The following CCDC141 variants were observed in gnomAD, a reference collection of about 807,000 sequenced individuals.
The protein encoded by CCDC141 is coiled-coil domain containing 141.
CCDC141 carries 168 observed loss-of-function variants against 181.0 expected under a neutral mutation model. The observed-to-expected ratio is 0.93, with a 90% confidence interval of 0.82 to 1.05. The LOEUF (loss-of-function observed/expected upper bound fraction) is 1.05, where lower values mean the gene tolerates loss of function less well. Ranked by LOEUF, CCDC141 falls within the 50% of genes least tolerant of loss-of-function variation. The pLI, the probability that CCDC141 is intolerant of heterozygous loss-of-function variation, is 0.00. For synonymous variants in CCDC141, 666 were observed against 642.3 expected, an observed-to-expected ratio of 1.04 and a Z score of -0.56; for missense variants, 1,902 against 1,788.5, an observed-to-expected ratio of 1.06 and a Z score of -1.14.
At chr2:178,925,983 G>A (rs930243364) in intron 6 of CCDC141, among the ~76,000 whole-genome samples, 1 of 152,058 alleles carries the variant, frequency 6.6e-6, no homozygotes, top group Non-Finnish European at 1.5e-5. Flanking sequence ...TAATAGAAGG[G>A]AGGGTCTGTT....
At chr2:178,923,151 C>A (rs1688771455) in intron 6 of CCDC141, among the ~76,000 whole-genome samples, 2 of 146,902 alleles carry the variant, frequency 1.4e-5, no homozygotes, top group Non-Finnish European at 3.0e-5. Context: ...GTCGCCCAGG[C>A]TGGAGTGCAG....
Position 179,050,133 on chromosome 2 carries a change from G to A in CCDC141, c.-192C>T. On this transcript the variant is annotated 5_prime_UTR_variant, in exon 1 of 24. Transcript: ENST00000443758. ...CATTGAGTTTATCGTGAGAGAGAAAGGAGCGAACGAGAGAGAATTGCCACG... is the reference window on the plus strand; with the variant it reads ...CATTGAGTTTATCGTGAGAGAGAAAAGAGCGAACGAGAGAGAATTGCCACG... 1.3e-6 allele frequency: 1 copy of A among 786,374 alleles called. No individual in the cohort carries two copies. Among genetic ancestry groups the A allele is most frequent in the Non-Finnish European group, 1.9e-6 (1 of 533,462 alleles). The allele number at this position is 786,374 out of a possible 1,614,324, so 48.7% of individuals were successfully genotyped here.
At chr2:178,957,501 T>C (rs1690210925) in intron 5 of CCDC141, among the ~76,000 whole-genome samples, 1 of 152,170 alleles carries the variant, frequency 6.6e-6, no homozygotes, top group Non-Finnish European at 1.5e-5. Context: ...CTTTGAAAAA[T>C]AGTTTAGCAG....
chr2:179,049,151 C>T (rs1051174505), intron 1 of CCDC141, among the ~76,000 whole-genome samples: 3 of 152,124 alleles, frequency 2.0e-5, no homozygotes, highest in Non-Finnish European at 4.4e-5. Flanking sequence ...GATGTGTGGT[C>T]ATCTTTGCAA....
chr2:178,964,475 T>A (rs898936479), intron 4 of CCDC141, among the ~76,000 whole-genome samples: 5 of 152,030 alleles, frequency 3.3e-5, no homozygotes, highest in Admixed American at 6.6e-5. Context: ...AAAATTCAAA[T>A]TTTTTTTCTG....
At chr2:179,002,174 G>T in intron 2 of CCDC141, 1 of 246,326 alleles carries the variant, frequency 4.1e-6, no homozygotes, top group Admixed American at 4.8e-5. Context: ...CTGATGCTCT[G>T]GGTGAAGAAT....
intron 2 of CCDC141, among the ~76,000 whole-genome samples, chr2:179,017,352 T>C (rs1023683294): frequency 2.6e-5 from 4 of 152,140 alleles, no homozygotes; most frequent in African/African-American, 9.6e-5. Flanking sequence ...ACTTCTTACT[T>C]ACATCTGATT....
chr2:179,030,149 T>C (rs1372154447), intron 2 of CCDC141, among the ~76,000 whole-genome samples: 1 of 152,110 alleles, frequency 6.6e-6, no homozygotes, highest in African/African-American at 2.4e-5. Context: ...ACTTAGGCTG[T>C]CATCTACAAC....
intron 6 of CCDC141, among the ~76,000 whole-genome samples, chr2:178,923,087 C>T (rs1688762664): frequency 6.7e-6 from 1 of 150,262 alleles, no homozygotes; most frequent in Admixed American, 6.7e-5. Context: ...GGGACACTTC[C>T]ACCAGTTTAT....
chr2:178,988,152 A>G (rs1691845933), intron 2 of CCDC141, among the ~76,000 whole-genome samples: 1 of 152,176 alleles, frequency 6.6e-6, no homozygotes, highest in South Asian at 2.1e-4. Flanking sequence ...AAAAATGATG[A>G]GTTCATTTCC....
chr2:178,889,850 T>C (rs1687063673), intron 8 of CCDC141, among the ~76,000 whole-genome samples: 1 of 152,180 alleles, frequency 6.6e-6, no homozygotes, highest in Admixed American at 6.6e-5. Context: ...TTTTAATACG[T>C]AGAGACAGTG....
the CCDC141 span, among the ~76,000 whole-genome samples, chr2:178,824,196 T>C: frequency 6.6e-6 from 1 of 152,194 alleles, no homozygotes; most frequent in Admixed American, 6.5e-5. Context: ...TAACCAACAA[T>C]TTCTTATATT....
intron 2 of CCDC141, among the ~76,000 whole-genome samples, chr2:179,008,589 A>T (rs2154384150): frequency 6.6e-6 from 1 of 152,300 alleles, no homozygotes; most frequent in South Asian, 2.1e-4. Flanking sequence ...CTGACTCAAT[A>T]GGTTTGGAGT....
At chr2:179,045,196 T>C (rs1286109256) in intron 2 of CCDC141, among the ~76,000 whole-genome samples, 1 of 139,112 alleles carries the variant, frequency 7.2e-6, no homozygotes, top group Admixed American at 7.4e-5. Flanking sequence ...CAGAGTGTGA[T>C]GTTCCCCTTC....
intron 7 of CCDC141, among the ~76,000 whole-genome samples, chr2:178,909,373 T>C (rs1361236721): frequency 1.3e-5 from 2 of 152,164 alleles, no homozygotes; most frequent in Non-Finnish European, 2.9e-5. Context: ...AGAAAGGAGG[T>C]AAGTGATTTT....
At chr2:178,990,611 A>G (rs554048127) in intron 2 of CCDC141, among the ~76,000 whole-genome samples, 50 of 133,620 alleles carry the variant, frequency 3.7e-4, no homozygotes, top group Non-Finnish European at 4.3e-4. Flanking sequence ...GAGGGGAGGG[A>G]AGGGAAGGGA....
intron 2 of CCDC141, among the ~76,000 whole-genome samples, chr2:179,045,586 C>T (rs1404289473): frequency 2.6e-5 from 4 of 151,690 alleles, no homozygotes; most frequent in African/African-American, 7.3e-5. Flanking sequence ...GGAGTCGCCA[C>T]GCTGACTTCC....
chr2:178,966,251 C>T (rs1292858660), intron 4 of CCDC141, among the ~76,000 whole-genome samples: 1 of 152,254 alleles, frequency 6.6e-6, no homozygotes, highest in Non-Finnish European at 1.5e-5. Context: ...CCTTCCAGCA[C>T]AGCATTCGAG....
intron 2 of CCDC141, among the ~76,000 whole-genome samples, chr2:179,011,456 G>A (rs776834708): frequency 3.3e-5 from 5 of 152,066 alleles, no homozygotes; most frequent in African/African-American, 4.8e-5. Context: ...TAACATTGGA[G>A]CTCCCAAATT....
Sources: allele counts gnomAD v4.1 joint callset (sites outside exome capture counted in the v4.1 genomes callset), GRCh38; gene constraint gnomAD v4.1.1; transcripts MANE v1.5; gene names NCBI Gene and HGNC (gene_info 2026-07-23, HGNC 2026-07-21).